DISC1: variants seen among roughly 807,000 people sequenced by gnomAD.
DISC1 encodes the protein DISC1 scaffold protein, also known as disrupted in schizophrenia 1 protein.
A neutral mutation model predicts 84.5 loss-of-function variants in DISC1; 57 were observed. The ratio of observed to expected loss-of-function variants is 0.67; its 90% CI spans 0.55 to 0.84. The LOEUF (loss-of-function observed/expected upper bound fraction) is 0.84. DISC1 is among the 40% of genes least tolerant of loss of function. The probability of loss-of-function intolerance (pLI) is 0.00; values close to 1 mark genes in which losing one functional copy is unlikely to be tolerated. For missense variants in DISC1, 1,000 were observed against 1,057.8 expected (o/e 0.95, Z 0.76); for synonymous variants, 411 against 415.2 (o/e 0.99, Z 0.12).
intron 9 of DISC1, among the ~76,000 whole-genome samples, chr1:231,853,637 C>A (rs891975991): frequency 6.6e-6 from 1 of 152,170 alleles, no homozygotes; most frequent in East Asian, 1.9e-4. Flanking sequence ...GGAATGGGAA[C>A]AGGTACTGGC....
Position 231,914,844 on chromosome 1 carries a change from G to A in DISC1, c.1982-43984G>A, listed in dbSNP as rs538976961. Among the ~76,000 whole-genome samples the A allele has an allele frequency of 2.0e-3, 303 of 152,320 alleles. 4 individuals carry two copies. The highest frequency in any genetic ancestry group is 7.1e-3 in the African/African-American group (294 of 41,564). The stretch of plus-strand genomic sequence containing the variant: ...TGTATTGGCAAAGACAAAATGAGAG[G>A]CTACTTTTGGTGGAGAGCAAATGAT... On this transcript the variant is annotated intron_variant, in intron 9 of 12. Transcript: ENST00000439617.
chr1:232,020,362 A>AT (rs1373899627), intron 11 of DISC1, among the ~76,000 whole-genome samples: 4 of 152,146 alleles, frequency 2.6e-5, no homozygotes, highest in Non-Finnish European at 4.4e-5. Context: ...AAATAAATAA[A>AT]AAATAAAAGG....
Position 231,861,972 on chromosome 1 carries a change from T to G in DISC1, c.1981+43455T>G, listed in dbSNP as rs551868015. Among the ~76,000 whole-genome samples, 57 of 152,350 alleles carry G rather than the reference T, an allele frequency of 3.7e-4. 1 individual carries two copies. Among genetic ancestry groups the G allele is most frequent in the Non-Finnish European group, 7.6e-4 (52 of 68,028 alleles). Reference sequence around the variant, plus strand: ...AAAAAAAGTCCTGATTGGCAACGTCTGGCCATTTCCATAGTGTAAATCTCC... The same window carrying G: ...AAAAAAAGTCCTGATTGGCAACGTCGGGCCATTTCCATAGTGTAAATCTCC... On this transcript the variant is annotated intron_variant, in intron 9 of 12. Coordinates refer to ENST00000439617, the MANE Select transcript of DISC1 (RefSeq NM_018662.3).
At chr1:231,905,344 C>T (rs754042070) in intron 9 of DISC1, among the ~76,000 whole-genome samples, 2 of 152,170 alleles carry the variant, frequency 1.3e-5, no homozygotes, top group Admixed American at 6.5e-5. Context: ...CCAGGCTGTA[C>T]GCAGTGGCTC....
chr1:231,875,396 T>C (rs1268299459), intron 9 of DISC1, among the ~76,000 whole-genome samples: 1 of 152,096 alleles, frequency 6.6e-6, no homozygotes, highest in Non-Finnish European at 1.5e-5. Flanking sequence ...AGCCAGGGGC[T>C]CCTCATCCTG....
At chr1:232,011,212 A>G (rs1054248822) in intron 11 of DISC1, among the ~76,000 whole-genome samples, 20 of 152,180 alleles carry the variant, frequency 1.3e-4, no homozygotes, top group African/African-American at 4.8e-4. Flanking sequence ...AAGAACACAG[A>G]GCTATATTTG....
At position 231,773,551 on chromosome 1, in the gene DISC1, A is replaced by ATT. The variant is rs146306327; in HGVS notation, c.1634+2486_1634+2487dup. The stretch of plus-strand genomic sequence containing the variant: ...AGGCTTGTGCCAGCACACCCAGCTA[A>ATT]TTTTTTGTATTTTTAGTAGAGACAG... On this transcript the variant is annotated intron_variant, in intron 6 of 12. Coordinates refer to ENST00000439617, the MANE Select transcript of DISC1 (RefSeq NM_018662.3). 4.6e-5 allele frequency among the ~76,000 whole-genome samples: 7 copies of ATT among 151,980 alleles called. No homozygotes were observed. In the East Asian group the frequency reaches 1.2e-3, roughly 25 times the overall value.
At chr1:231,890,307 C>T (rs1378589100) in intron 9 of DISC1, among the ~76,000 whole-genome samples, 1 of 152,110 alleles carries the variant, frequency 6.6e-6, no homozygotes, top group Non-Finnish European at 1.5e-5. Context: ...ATTTCTTTGT[C>T]AGTAAAGATC....
chr1:231,955,732 C>T lies in DISC1; in HGVS notation c.1982-3096C>T, dbSNP rs182888159. On this transcript the variant is annotated intron_variant, in intron 9 of 12. Transcript: ENST00000439617. ...CTTGAACTCCAGACCTCAGGTGATC[C>T]GCCCACCTCAGCCTCCCAAAGTGCT... 5.4e-3 allele frequency among the ~76,000 whole-genome samples: 817 copies of T among 152,144 alleles called. 11 individuals are homozygous for T. The highest frequency in any genetic ancestry group is 0.019 in the African/African-American group (785 of 41,488).
At chr1:231,733,296 A>AGAGTGGTGGTGATGGTAG (rs1287123646) in intron 3 of DISC1, among the ~76,000 whole-genome samples, 4 of 127,502 alleles carry the variant, frequency 3.1e-5, no homozygotes, top group South Asian at 2.7e-4. Flanking sequence ...GGTGATGGCA[A>AGAGTGGTGGTGATGGTAG]GAGTGGTGGT....
chr1:231,868,919 T>G (rs1574335880), intron 9 of DISC1, among the ~76,000 whole-genome samples: 1 of 146,974 alleles, frequency 6.8e-6, no homozygotes. Context: ...AGTTACCGGT[T>G]ATACATTTTT....
At chr1:231,848,689 C>T (rs762161018) in intron 9 of DISC1, among the ~76,000 whole-genome samples, 10 of 152,214 alleles carry the variant, frequency 6.6e-5, no homozygotes, top group Non-Finnish European at 1.2e-4. Flanking sequence ...CAAAAAATAA[C>T]ACATGCAACT....
chr1:232,009,141 A>C lies in DISC1; in HGVS notation c.2307+92A>C, dbSNP rs821617. ...CAAATGGGAACAATAAATATTGGGA[A>C]GGCTTCCCATTGAGCATATAAACTT... On this transcript the variant is annotated intron_variant, in intron 11 of 12. Coordinates refer to ENST00000439617, the MANE Select transcript of DISC1 (RefSeq NM_018662.3). This position sits in a 1 kb window ranked among gnomAD's most constrained non-coding sequence, Gnocchi z 4.6. 3.8e-6 allele frequency: 6 copies of C among 1,576,920 alleles called. No individual in the cohort carries two copies. Among genetic ancestry groups the C allele is most frequent in the Admixed American group, 1.8e-5 (1 of 55,268 alleles).
chr1:231,919,220 T>C (rs976201427), intron 9 of DISC1, among the ~76,000 whole-genome samples: 10 of 152,216 alleles, frequency 6.6e-5, no homozygotes, highest in African/African-American at 2.2e-4. Flanking sequence ...GTGGCACTAA[T>C]CTTGTTTTGT....
At chr1:231,645,217 G>A (rs1471042540) in intron 1 of DISC1, among the ~76,000 whole-genome samples, 1 of 152,124 alleles carries the variant, frequency 6.6e-6, no homozygotes, top group Non-Finnish European at 1.5e-5. Flanking sequence ...GAAGAGGATT[G>A]GTTGTTCTTT....
chr1:231,831,910 C>G (rs1288298165), intron 9 of DISC1, among the ~76,000 whole-genome samples: 1 of 151,954 alleles, frequency 6.6e-6, no homozygotes, highest in African/African-American at 2.4e-5. Context: ...ATAGCATAGC[C>G]TGCCTTTGCT....
chr1:231,761,365 A>G (rs1283017599), intron 4 of DISC1, among the ~76,000 whole-genome samples: 1 of 152,250 alleles, frequency 6.6e-6, no homozygotes. Context: ...ACAACATTGC[A>G]GAACACAGAG....
rs193024019 is a variant in DISC1 at position 231,750,057 on chromosome 1, C to T, written c.1249C>T (p.Arg417Cys). ...GGCAGCACAAGTCCAGGCTGCCTTG[C>T]GCCGTGGGGCCACTCAGCAGTGAGT... ...HLAAQVQAAL[R>C]RGATQQASGD... The change falls in exon 4 of 13, where the codon CGC (arginine) becomes TGC (cysteine). Residue 417 changes from arginine to cysteine, a missense_variant. By Grantham distance (180) the Arg-to-Cys change is radical. This residue lies in a region of DISC1 where 311 missense variants were observed against 400.1 expected (regional missense o/e 0.78). Transcript: ENST00000439617. 3.9e-5 allele frequency: 63 copies of T among 1,613,954 alleles called. No homozygotes were observed. Among genetic ancestry groups the T allele is most frequent in the East Asian group, 1.3e-4 (6 of 44,886 alleles).
intron 5 of DISC1, 117 bp from the exon 6 acceptor site, chr1:231,770,718 G>A (rs1182631115): frequency 6.6e-7 from 1 of 1,515,744 alleles, no homozygotes; most frequent in South Asian, 1.2e-5. Flanking sequence ...CCTCAGAAGG[G>A]GAGTTTTGTA....
Sources: gnomAD v4.1 joint callset for allele counts (sites outside exome capture counted in the v4.1 genomes callset) on GRCh38, gnomAD v4.1.1 for gene constraint, gnomAD v4.1.1 regional missense constraint, Gnocchi (gnomAD v3.1) non-coding constraint, MANE v1.5 for transcripts, NCBI Gene and HGNC (gene_info 2026-07-23, HGNC 2026-07-21) for gene names.